Variants in ST3GAL3 observed in about 807,000 individuals in gnomAD.
The protein encoded by ST3GAL3 is ST3 beta-galactoside alpha-2,3-sialyltransferase 3.
A neutral mutation model predicts 50.1 loss-of-function variants in ST3GAL3; 21 were observed. The observed-to-expected ratio is 0.42, with a 90% CI of 0.30 to 0.60. ST3GAL3 has a LOEUF of 0.60. ST3GAL3 is among the 20% of genes least tolerant of loss of function. ST3GAL3 has a pLI of 0.19. For missense variants in ST3GAL3, 353 were observed against 489.4 expected (o/e 0.72, Z 2.63); for synonymous variants, 183 against 190.0 (o/e 0.96, Z 0.30).
At chr1:43,868,465 C>T (rs1013022358) in intron 5 of ST3GAL3, among the ~76,000 whole-genome samples, 3 of 152,030 alleles carry the variant, frequency 2.0e-5, no homozygotes, top group Non-Finnish European at 4.4e-5. Flanking sequence ...TAGCTTTAGT[C>T]CCATAGGCTG....
At chr1:43,819,863 A>G (rs2061864916) in intron 4 of ST3GAL3, among the ~76,000 whole-genome samples, 1 of 152,204 alleles carries the variant, frequency 6.6e-6, no homozygotes, top group African/African-American at 2.4e-5. Context: ...AAGTGAGAAC[A>G]TGTGATATTT....
At chr1:43,713,562 A>G (rs11210903) in intron 1 of ST3GAL3, among the ~76,000 whole-genome samples, 44,693 of 132,298 alleles carry the variant, frequency 0.34, 8,539 homozygotes, top group East Asian at 0.52. Flanking sequence ...TACTCACTCT[A>G]TCACCCAGGC....
Position 43,899,649 on chromosome 1 carries a change from C to T in ST3GAL3, c.666C>T (p.Arg222=), listed in dbSNP as rs773310944. Residue 222 remains arginine (R), a synonymous_variant, in exon 9 of 12, where the codon CGC becomes CGT. Coordinates refer to ENST00000347631, the MANE Select transcript of ST3GAL3 (RefSeq NM_006279.5). This position sits in a 1 kb window ranked among gnomAD's most constrained non-coding sequence, Gnocchi z 5.4. The part of the protein sequence containing the change: ...GAMQRPEQYE[R]DSLFVLAGFK... ...TGCAGCGGCCTGAGCAGTACGAGCGCGATTCTCTCTTTGTCCTCGCCGGCT... is the reference window on the plus strand; with the variant it reads ...TGCAGCGGCCTGAGCAGTACGAGCGTGATTCTCTCTTTGTCCTCGCCGGCT... 6 of 1,614,158 alleles carry T rather than the reference C, an allele frequency of 3.7e-6. No homozygotes were observed. Among genetic ancestry groups the T allele is most frequent in the South Asian group, 2.2e-5 (2 of 91,084 alleles).
At chr1:43,881,955 G>A (rs766562287) in intron 5 of ST3GAL3, among the ~76,000 whole-genome samples, 42 of 152,240 alleles carry the variant, frequency 2.8e-4, no homozygotes, top group Non-Finnish European at 5.9e-5. Flanking sequence ...GGTGGAGGCT[G>A]TCACCCCAAG....
intron 3 of ST3GAL3, among the ~76,000 whole-genome samples, chr1:43,798,080 T>C (rs2058887859): frequency 6.6e-6 from 1 of 152,152 alleles, no homozygotes; most frequent in Admixed American, 6.5e-5. Context: ...CACTTTTTCT[T>C]CCCCATCTAC....
intron 1 of ST3GAL3, among the ~76,000 whole-genome samples, chr1:43,731,639 C>T (rs147824084): frequency 0.013 from 1,964 of 150,796 alleles, 51 homozygotes; most frequent in African/African-American, 0.046. Context: ...CCTCGTGATC[C>T]GCCCACCTCG....
At chr1:43,898,178 A>G in intron 6 of ST3GAL3, 57 bp from the exon 7 acceptor site, 1 of 1,585,078 alleles carries the variant, frequency 6.3e-7, no homozygotes, top group Non-Finnish European at 8.7e-7. Flanking sequence ...TTATCAGTAA[A>G]CATTTTATAG....
intron 7 of ST3GAL3, chr1:43,898,587 G>T (rs1054751925): frequency 1.9e-6 from 1 of 518,304 alleles, no homozygotes; most frequent in South Asian, 2.0e-5. Context: ...ATGGGACTGA[G>T]GGCCTGGGTG....
At chr1:43,872,914 T>A (rs1281503376) in intron 5 of ST3GAL3, among the ~76,000 whole-genome samples, 3 of 152,166 alleles carry the variant, frequency 2.0e-5, no homozygotes, top group Non-Finnish European at 4.4e-5. Flanking sequence ...TGCTGATATC[T>A]TGGGGAAGAG....
chr1:43,868,656 G>A (rs186464180), intron 5 of ST3GAL3, among the ~76,000 whole-genome samples: 56 of 152,144 alleles, frequency 3.7e-4, no homozygotes, highest in African/African-American at 1.3e-3. Context: ...TCTCTTCTGG[G>A]ATAAAACCCT....
intron 5 of ST3GAL3, chr1:43,858,272 C>A (rs1558610155): frequency 7.8e-7 from 1 of 1,287,944 alleles, no homozygotes; most frequent in Non-Finnish European, 1.0e-6. Context: ...GGGGAGACGT[C>A]CTGGTGAAGT....
intron 9 of ST3GAL3, among the ~76,000 whole-genome samples, chr1:43,906,964 T>A (rs1216360097): frequency 6.6e-6 from 1 of 152,198 alleles, no homozygotes; most frequent in Non-Finnish European, 1.5e-5. Context: ...GGGATCTTCC[T>A]AAGAAATAAA....
At chr1:43,715,892 GA>G (rs776068522) in intron 1 of ST3GAL3, among the ~76,000 whole-genome samples, 1 of 152,020 alleles carries the variant, frequency 6.6e-6, no homozygotes, top group Non-Finnish European at 1.5e-5. Flanking sequence ...ACTCTCATAA[GA>G]GAATGAGAGT....
At chr1:43,727,063 G>A (rs1673274473) in intron 1 of ST3GAL3, among the ~76,000 whole-genome samples, 1 of 152,014 alleles carries the variant, frequency 6.6e-6, no homozygotes, top group African/African-American at 2.4e-5. Context: ...CCCTTTATTA[G>A]ATTCTTATTT....
At chr1:43,914,790 T>C (rs1039831376) in intron 9 of ST3GAL3, among the ~76,000 whole-genome samples, 8 of 152,208 alleles carry the variant, frequency 5.3e-5, no homozygotes, top group Admixed American at 2.6e-4. Flanking sequence ...TGTTGGGGCC[T>C]GCTGGGCCTG....
intron 2 of ST3GAL3, among the ~76,000 whole-genome samples, chr1:43,766,345 A>G (rs1692960228): frequency 6.6e-6 from 1 of 152,184 alleles, no homozygotes; most frequent in East Asian, 1.9e-4. Flanking sequence ...TGAGACTCAC[A>G]GGAAGTAACC....
At chr1:43,855,524 C>T (rs1304252479) in intron 5 of ST3GAL3, among the ~76,000 whole-genome samples, 6 of 151,706 alleles carry the variant, frequency 4.0e-5, no homozygotes, top group Admixed American at 3.9e-4. Context: ...GCAGGAGAAT[C>T]GCTTGAACCT....
Position 43,931,154 on chromosome 1 carries a change from C to T in ST3GAL3, c.*933C>T, listed in dbSNP as rs1484320770. The stretch of plus-strand genomic sequence containing the variant: ...CCCCCATGGAAGCAATAAAGCTCTT[C>T]CCTGAGCCTGGCCTCTTTTTGCCTT... On this transcript the variant is annotated 3_prime_UTR_variant, in exon 12 of 12. Coordinates refer to ENST00000347631, the MANE Select transcript of ST3GAL3 (RefSeq NM_006279.5). 4.6e-5 allele frequency: 7 copies of T among 152,738 alleles called. No individual in the cohort carries two copies. The highest frequency in any genetic ancestry group is 1.7e-4 in the African/African-American group (7 of 41,446). The allele number at this position is 152,738 out of a possible 1,614,324, so 9.5% of individuals were successfully genotyped here.
chr1:43,708,497 C>A (rs573700323), intron 1 of ST3GAL3, among the ~76,000 whole-genome samples: 1 of 152,284 alleles, frequency 6.6e-6, no homozygotes, highest in East Asian at 1.9e-4. Context: ...TAGGAAAAAA[C>A]TCTTATTAGG....
Sources: gnomAD v4.1 joint callset for allele counts (sites outside exome capture counted in the v4.1 genomes callset) on GRCh38, gnomAD v4.1.1 for gene constraint, Gnocchi (gnomAD v3.1) non-coding constraint, MANE v1.5 for transcripts, NCBI Gene and HGNC (gene_info 2026-07-23, HGNC 2026-07-21) for gene names.